The following KCNIP3 variants were observed in gnomAD, a reference collection of about 807,000 sequenced individuals.
KCNIP3 encodes the protein potassium voltage-gated channel interacting protein 3.
Under a neutral mutation model 35.0 loss-of-function variants are expected in KCNIP3, and 28 were observed. The ratio of observed to expected loss-of-function variants is 0.80; its 90% confidence interval spans 0.59 to 1.10. The LOEUF is 1.10. KCNIP3 is among the 50% of genes least tolerant of loss of function. KCNIP3 has a pLI of 0.00. For synonymous variants in KCNIP3, 134 were observed against 133.8 expected (o/e 1.00, Z -0.01); for missense variants, 295 against 338.4 (o/e 0.87, Z 1.01).
In KCNIP3 at chr2:95,377,493, T is replaced by A. The variant is rs574801535; in HGVS notation, c.447+2285T>A. On this transcript the variant is annotated intron_variant, in intron 5 of 8. Coordinates refer to ENST00000295225, the MANE Select transcript of KCNIP3 (RefSeq NM_013434.5). This position sits in a 1 kb window ranked among gnomAD's most constrained non-coding sequence, Gnocchi z 4.7. ...ACCCTCCTGTGCACTCTTGTGCACC[T>A]TCACCTGGAAGTATGCTGTGTCACT... 6.6e-6 allele frequency among the ~76,000 whole-genome samples: 1 copy of A among 152,254 alleles called. No homozygotes were observed. Among genetic ancestry groups the A allele is most frequent in the Non-Finnish European group, 1.5e-5 (1 of 68,040 alleles).
At chr2:95,325,059 G>C (rs569628771) in intron 2 of KCNIP3, among the ~76,000 whole-genome samples, 1 of 152,232 alleles carries the variant, frequency 6.6e-6, no homozygotes, top group Non-Finnish European at 1.5e-5. Context: ...CTGGCTGAGC[G>C]ACAGGCAGAG....
chr2:95,305,480 A>T (rs1678143858), intron 1 of KCNIP3, among the ~76,000 whole-genome samples: 2 of 152,302 alleles, frequency 1.3e-5, no homozygotes, highest in Admixed American at 1.3e-4. Flanking sequence ...GCAACCCACC[A>T]GTCCTAGTCC....
intron 1 of KCNIP3, among the ~76,000 whole-genome samples, chr2:95,309,254 T>C (rs1296434719): frequency 2.6e-5 from 4 of 152,174 alleles, no homozygotes; most frequent in African/African-American, 9.7e-5. Flanking sequence ...CCCTCCTCTG[T>C]GCCTCATGGG....
At chr2:95,372,898 C>T (rs559002792) in intron 2 of KCNIP3, among the ~76,000 whole-genome samples, 1 of 152,332 alleles carries the variant, frequency 6.6e-6, no homozygotes, top group Admixed American at 6.5e-5. Context: ...TTTCAGGGTG[C>T]TCTTGTGGTT....
rs561765887 is a variant in KCNIP3 at position 95,382,538 on chromosome 2, G to C, written c.660+57G>C. Reference sequence around the variant, plus strand: ...GAGCCTGGCAGAGGAAGGGGCTCTCGCTTTTGGGGCCACCCCGGGCAAGTG... The same window carrying C: ...GAGCCTGGCAGAGGAAGGGGCTCTCCCTTTTGGGGCCACCCCGGGCAAGTG... On this transcript the variant is annotated intron_variant, in intron 7 of 8. Coordinates refer to ENST00000295225, the MANE Select transcript of KCNIP3 (RefSeq NM_013434.5). This position sits in a 1 kb window ranked among gnomAD's most constrained non-coding sequence, Gnocchi z 4.5. 17 of 1,312,540 alleles carry C rather than the reference G, an allele frequency of 1.3e-5. No individual in the cohort carries two copies. In the South Asian group the frequency reaches 1.8e-4, roughly 14 times the overall value. 81.3% of individuals were successfully genotyped at this position (1,312,540 alleles called of 1,614,324 possible).
chr2:95,383,519 C>T (rs1313724324), intron 8 of KCNIP3, among the ~76,000 whole-genome samples: 1 of 152,170 alleles, frequency 6.6e-6, no homozygotes, highest in African/African-American at 2.4e-5. Context: ...AGCATCCCCC[C>T]ACTACCCCCA....
chr2:95,322,850 G>A (rs1011377772), intron 2 of KCNIP3, among the ~76,000 whole-genome samples: 6 of 152,186 alleles, frequency 3.9e-5, no homozygotes, highest in African/African-American at 1.4e-4. Flanking sequence ...TCTCCCTGGC[G>A]CTTCTGAGTA....
intron 2 of KCNIP3, among the ~76,000 whole-genome samples, chr2:95,362,158 G>A (rs1408860223): frequency 6.6e-6 from 1 of 151,264 alleles, no homozygotes; most frequent in Non-Finnish European, 1.5e-5. Flanking sequence ...CCAGGCTGGA[G>A]CGCAGTGGTG....
chr2:95,316,066 G>C (rs561819748), intron 2 of KCNIP3, among the ~76,000 whole-genome samples: 1 of 152,258 alleles, frequency 6.6e-6, no homozygotes, highest in African/African-American at 2.4e-5. Flanking sequence ...CCAGCAGTGG[G>C]AAGTTAGCTG....
At chr2:95,383,877 C>G in intron 8 of KCNIP3, 125 bp from the exon 9 acceptor site, 1 of 827,014 alleles carries the variant, frequency 1.2e-6, no homozygotes, top group Admixed American at 1.8e-5. Context: ...CAGCTCCCTG[C>G]ACCCAATAAG....
chr2:95,346,638 G>A (rs1394103436), intron 2 of KCNIP3: 2 of 144,496 alleles, frequency 1.4e-5, no homozygotes, highest in African/African-American at 5.0e-5. Context: ...CGGCGCCCGC[G>A]GGGCTGGAGA....
chr2:95,313,927 A>C (rs1448250096), intron 2 of KCNIP3: 1 of 151,694 alleles, frequency 6.6e-6, no homozygotes, highest in Admixed American at 6.6e-5. Context: ...ACACACACAC[A>C]CACACATACA....
chr2:95,374,759 G>C (rs1165287142), intron 3 of KCNIP3, 89 bp from the exon 4 acceptor site: 1 of 1,458,134 alleles, frequency 6.9e-7, no homozygotes, highest in East Asian at 2.3e-5. Flanking sequence ...AGCCCCCAAG[G>C]GGGTGGAGAG....
At chr2:95,379,702 C>A (rs1680289921) in intron 5 of KCNIP3, among the ~76,000 whole-genome samples, 2 of 152,220 alleles carry the variant, frequency 1.3e-5, no homozygotes, top group South Asian at 2.1e-4. Context: ...GGGAGCTGTT[C>A]TCCTTCAAAG....
At chr2:95,364,149 A>T (rs1573514021) in intron 2 of KCNIP3, among the ~76,000 whole-genome samples, 1 of 152,202 alleles carries the variant, frequency 6.6e-6, no homozygotes, top group East Asian at 1.9e-4. Context: ...TTTTGTAAAT[A>T]TGTGATTTGC....
chr2:95,323,870 C>G (rs1257040034), intron 2 of KCNIP3, among the ~76,000 whole-genome samples: 2 of 152,178 alleles, frequency 1.3e-5, no homozygotes, highest in Non-Finnish European at 2.9e-5. Context: ...ATGGTTTTGT[C>G]TAGGAAGACC....
intron 2 of KCNIP3, among the ~76,000 whole-genome samples, chr2:95,372,374 T>C (rs1680061249): frequency 6.6e-6 from 1 of 152,242 alleles, no homozygotes; most frequent in Non-Finnish European, 1.5e-5. Flanking sequence ...GTGAGCATCC[T>C]TGTGCAGGCC....
At chr2:95,355,473 C>T (rs749002986) in intron 2 of KCNIP3, among the ~76,000 whole-genome samples, 3 of 152,230 alleles carry the variant, frequency 2.0e-5, no homozygotes, top group South Asian at 2.1e-4. Flanking sequence ...TTAGGTATTT[C>T]GCCTAATGCT....
intron 2 of KCNIP3, among the ~76,000 whole-genome samples, chr2:95,361,353 C>T (rs887390236): frequency 2.6e-5 from 4 of 152,138 alleles, no homozygotes; most frequent in Non-Finnish European, 5.9e-5. Flanking sequence ...TCATTCCTGA[C>T]ACCTCCCGCC....
Sources: allele counts gnomAD v4.1 joint callset (sites outside exome capture counted in the v4.1 genomes callset), GRCh38; gene constraint gnomAD v4.1.1; non-coding constraint Gnocchi (gnomAD v3.1); transcripts MANE v1.5; gene names NCBI Gene and HGNC (gene_info 2026-07-23, HGNC 2026-07-21).